Variants in VPS26A observed in about 807,000 individuals in gnomAD.
VPS26A encodes the protein vacuolar protein sorting-associated protein 26A.
Under a neutral mutation model 42.4 loss-of-function variants are expected in VPS26A, and 22 were observed. The observed-to-expected ratio is 0.52, with a 90% CI of 0.37 to 0.74. The LOEUF is 0.74. VPS26A is among the 30% of genes least tolerant of loss of function. The pLI is 0.00. For missense variants in VPS26A, 276 were observed against 379.2 expected (o/e 0.73, Z 2.26); for synonymous variants, 110 against 123.5 (o/e 0.89, Z 0.73).
chr10:69,127,834 C>T (rs1445893664), intron 1 of VPS26A, among the ~76,000 whole-genome samples: 1 of 146,846 alleles, frequency 6.8e-6, no homozygotes, highest in Non-Finnish European at 1.5e-5. Context: ...GTAGCTGGGA[C>T]TGCAGGCACA....
At chr10:69,146,275 C>T (rs540433413) in intron 2 of VPS26A, among the ~76,000 whole-genome samples, 178 of 152,092 alleles carry the variant, frequency 1.2e-3, no homozygotes, top group African/African-American at 3.8e-3. Context: ...TTAGTACAGA[C>T]GGGGTTTCAC....
At chr10:69,125,524 G>C (rs576292912) in intron 1 of VPS26A, among the ~76,000 whole-genome samples, 1 of 152,204 alleles carries the variant, frequency 6.6e-6, no homozygotes, top group East Asian at 1.9e-4. Context: ...CCTAGTCAGT[G>C]TTAGGGCAGG....
intron 1 of VPS26A, among the ~76,000 whole-genome samples, chr10:69,124,678 C>T (rs1278914288): frequency 2.0e-5 from 3 of 152,220 alleles, no homozygotes; most frequent in Admixed American, 1.3e-4. Context: ...CCGGGAGCCC[C>T]CCACCTCCGG....
intron 2 of VPS26A, among the ~76,000 whole-genome samples, chr10:69,155,443 T>C (rs1415558603): frequency 6.6e-6 from 1 of 152,224 alleles, no homozygotes; most frequent in Non-Finnish European, 1.5e-5. Flanking sequence ...TTCTTGAAAT[T>C]AGTAATTACC....
At chr10:69,127,590 A>T (rs570773821) in intron 1 of VPS26A, among the ~76,000 whole-genome samples, 9 of 151,718 alleles carry the variant, frequency 5.9e-5, no homozygotes, top group Non-Finnish European at 1.2e-4. Flanking sequence ...CCAATGCCAT[A>T]TTGTCATGGA....
chr10:69,137,845 T>G (rs1000194877), intron 2 of VPS26A, among the ~76,000 whole-genome samples: 1 of 146,564 alleles, frequency 6.8e-6, no homozygotes, highest in Non-Finnish European at 1.5e-5. Flanking sequence ...GATTTTTCTT[T>G]TTTTAAGCTG....
intron 8 of VPS26A, 39 bp downstream of exon 8, chr10:69,168,670 G>A: frequency 6.3e-7 from 1 of 1,596,212 alleles, no homozygotes. Context: ...TTCTGCGGCA[G>A]ATCTAAAAAT....
intron 2 of VPS26A, among the ~76,000 whole-genome samples, chr10:69,141,439 C>G (rs1230022330): frequency 3.9e-5 from 6 of 152,114 alleles, no homozygotes; most frequent in Admixed American, 6.5e-5. Context: ...ATTAAAATGC[C>G]CCATCCTAGA....
intron 5 of VPS26A, chr10:69,161,723 C>T: frequency 2.5e-6 from 1 of 392,650 alleles, no homozygotes; most frequent in South Asian, 2.2e-5. Flanking sequence ...ACCAACTTAA[C>T]ATACATGGGC....
In VPS26A at chr10:69,132,925, A is replaced by G. The variant is rs377001222; in HGVS notation, c.31A>G (p.Ile11Val). The G allele has an allele frequency of 7.7e-5, 123 of 1,591,958 alleles. No homozygotes were observed. Among genetic ancestry groups the G allele is most frequent in the African/African-American group, 1.2e-4 (9 of 73,188 alleles). MSFLGGFFGP[I>V]CEIDIVLNDG... ...TTTTCTTGGAGGCTTTTTTGGTCCAATTTGTGAGATCGATATTGTTCTTAA... is the reference window on the plus strand; with the variant it reads ...TTTTCTTGGAGGCTTTTTTGGTCCAGTTTGTGAGATCGATATTGTTCTTAA... Residue 11 changes from isoleucine (I) to valine (V), a missense_variant, in exon 2 of 9, where the codon ATT (isoleucine) becomes GTT (valine). Ile to Val is a conservative substitution (Grantham distance 29, BLOSUM62 3). Coordinates refer to ENST00000263559, the MANE Select transcript of VPS26A (RefSeq NM_004896.5).
intron 2 of VPS26A, among the ~76,000 whole-genome samples, chr10:69,154,955 T>G (rs567904179): frequency 6.6e-6 from 1 of 152,170 alleles, no homozygotes; most frequent in South Asian, 2.1e-4. Flanking sequence ...TATATGAGTT[T>G]AGGGATTTTG....
At chr10:69,127,727 CTTTTTTT>C (rs572346560) in intron 1 of VPS26A, among the ~76,000 whole-genome samples, 8 of 85,064 alleles carry the variant, frequency 9.4e-5, no homozygotes, top group South Asian at 4.3e-4. Flanking sequence ...TTAAAAATAT[CTTTTTTT>C]TTTTTTTTTT....
intron 5 of VPS26A, 46 bp from the exon 6 acceptor site, chr10:69,162,360 C>T: frequency 9.7e-7 from 1 of 1,026,672 alleles, no homozygotes; most frequent in Non-Finnish European, 1.5e-6. Context: ...ACTGTTTTTG[C>T]TTGTTTTTAA....
Position 69,160,459 on chromosome 10 carries a change from A to AT in VPS26A, c.552-1934dup, listed in dbSNP as rs749497920. Among the ~76,000 whole-genome samples the AT allele has an allele frequency of 1.1e-3, 146 of 134,236 alleles. No individual in the cohort carries two copies. The East Asian group carries it at 0.013, about 12-fold the overall frequency. The allele number at this position is 134,236 out of a possible 152,430, so 88.1% of individuals were successfully genotyped here. A position where few individuals can be genotyped will look rare whatever the true frequency, so the allele number is the denominator to read the frequency against. ...AGGCATGAGCCACCGCGCCCAACAT[A>AT]TTTTTTTTTTTTTGGAGTCGGAATC... On this transcript the variant is annotated intron_variant, in intron 5 of 8. Coordinates refer to ENST00000263559, the MANE Select transcript of VPS26A (RefSeq NM_004896.5).
chr10:69,132,368 A>G (rs888969558), intron 1 of VPS26A, among the ~76,000 whole-genome samples: 2 of 151,718 alleles, frequency 1.3e-5, no homozygotes, highest in Non-Finnish European at 2.9e-5. Context: ...TTTGGTGGTT[A>G]AAAACACATA....
At chr10:69,133,340 T>G (rs1163502195) in intron 2 of VPS26A, among the ~76,000 whole-genome samples, 5 of 152,140 alleles carry the variant, frequency 3.3e-5, no homozygotes, top group Non-Finnish European at 4.4e-5. Context: ...TGTTTGTGAT[T>G]ATGTGCTTCT....
chr10:69,171,414 CATTTA>C lies in VPS26A; in HGVS notation c.*146_*150del, dbSNP rs1441528249. The C allele has an allele frequency of 1.7e-6, 1 of 592,358 alleles. No homozygotes were observed. The highest frequency in any genetic ancestry group is 2.0e-5 in the African/African-American group (1 of 51,232). The allele number at this position is 592,358 out of a possible 1,614,324, so 36.7% of individuals were successfully genotyped here. ...AGTCTTCCTTTATCTTACAGCGCAG[CATTTA>C]TTTTATGATATAATGAAATGTTCGT... On this transcript the variant is annotated 3_prime_UTR_variant, in exon 9 of 9. Coordinates refer to ENST00000263559, the MANE Select transcript of VPS26A (RefSeq NM_004896.5).
chr10:69,134,868 G>A (rs1840869093), intron 2 of VPS26A, among the ~76,000 whole-genome samples: 1 of 152,002 alleles, frequency 6.6e-6, no homozygotes. Context: ...CGAGGAGGGA[G>A]GATCACTTGA....
At chr10:69,152,186 G>T (rs1331520701) in intron 2 of VPS26A, among the ~76,000 whole-genome samples, 2 of 152,082 alleles carry the variant, frequency 1.3e-5, no homozygotes, top group African/African-American at 4.8e-5. Flanking sequence ...TCCAGCCTGG[G>T]TGACACAGCA....
Sources: allele counts gnomAD v4.1 joint callset (sites outside exome capture counted in the v4.1 genomes callset), GRCh38; gene constraint gnomAD v4.1.1; transcripts MANE v1.5; gene names NCBI Gene and HGNC (gene_info 2026-07-23, HGNC 2026-07-21).